The following VWA8 variants were observed in gnomAD, a reference collection of about 807,000 sequenced individuals.
VWA8 encodes the protein von Willebrand factor A domain-containing protein 8.
In VWA8, 221 loss-of-function variants were observed where a neutral mutation model predicts 241.5. The ratio of observed to expected loss-of-function variants is 0.91; its 90% CI spans 0.82 to 1.02. The LOEUF is 1.02. Among genes scored for constraint, VWA8 ranks in the 50% least tolerant of loss-of-function variants. The pLI, the probability that VWA8 is intolerant of heterozygous loss-of-function variation, is 0.00. For synonymous variants in VWA8, 852 were observed against 827.1 expected (o/e 1.03, Z -0.52); for missense variants, 2,322 against 2,328.7 (o/e 1.00, Z 0.06).
At chr13:41,960,771 C>G in intron 1 of VWA8, 82 bp downstream of exon 1, 3 of 1,433,542 alleles carry the variant, frequency 2.1e-6, no homozygotes, top group Non-Finnish European at 2.7e-6. Context: ...AGCGAAGCAA[C>G]AGAGAGGAGG....
intron 42 of VWA8, 33 bp from the exon 43 acceptor site, chr13:41,575,871 T>G (rs902316981): frequency 6.6e-7 from 1 of 1,512,790 alleles, no homozygotes; most frequent in Non-Finnish European, 9.1e-7. Flanking sequence ...GTTATAAACT[T>G]TTCTCCACAA....
intron 12 of VWA8, 69 bp downstream of exon 12, chr13:41,865,667 C>T (rs1873255830): frequency 6.5e-7 from 1 of 1,534,540 alleles, no homozygotes; most frequent in African/African-American, 1.4e-5. Context: ...AGAAGATATC[C>T]ATAAATTCTG....
chr13:41,927,411 G>A (rs1876898968), intron 2 of VWA8: 4 of 449,162 alleles, frequency 8.9e-6, no homozygotes, highest in Admixed American at 8.8e-5. Flanking sequence ...AAAGATCAAG[G>A]TCTGCAAGGG....
At chr13:41,634,893 ATTTTGAAG>A (rs1166817869) in intron 37 of VWA8, among the ~76,000 whole-genome samples, 1 of 152,184 alleles carries the variant, frequency 6.6e-6, no homozygotes, top group East Asian at 1.9e-4. Flanking sequence ...GTTCACTAAG[ATTTTGAAG>A]TTAAGAAAAT....
chr13:41,917,014 T>C (rs766372230), intron 2 of VWA8, among the ~76,000 whole-genome samples: 2 of 152,182 alleles, frequency 1.3e-5, no homozygotes, highest in Non-Finnish European at 2.9e-5. Flanking sequence ...TATGTAAAGA[T>C]AAAAACATGT....
chr13:41,674,880 A>G (rs1292980702), intron 36 of VWA8, among the ~76,000 whole-genome samples: 1 of 152,226 alleles, frequency 6.6e-6, no homozygotes, highest in African/African-American at 2.4e-5. Context: ...CAGAAAATAC[A>G]TACACAAAGT....
intron 40 of VWA8, 29 bp downstream of exon 40, chr13:41,605,139 A>G: frequency 1.9e-6 from 3 of 1,606,460 alleles, no homozygotes; most frequent in Non-Finnish European, 2.6e-6. Flanking sequence ...GGCCCAGGTT[A>G]TTTTCTTGGT....
At chr13:41,752,373 C>T (rs1371717960) in intron 21 of VWA8, among the ~76,000 whole-genome samples, 1 of 152,150 alleles carries the variant, frequency 6.6e-6, no homozygotes, top group African/African-American at 2.4e-5. Flanking sequence ...ACGACACCTG[C>T]ACATGCTCTA....
At chr13:41,621,180 A>T (rs2044654675) in intron 37 of VWA8, among the ~76,000 whole-genome samples, 1 of 152,232 alleles carries the variant, frequency 6.6e-6, no homozygotes, top group Non-Finnish European at 1.5e-5. Flanking sequence ...TTAGTATAAT[A>T]TTTAATAAGT....
intron 19 of VWA8, among the ~76,000 whole-genome samples, chr13:41,781,395 A>G (rs145573895): frequency 2.0e-4 from 31 of 152,210 alleles, no homozygotes; most frequent in African/African-American, 7.0e-4. Flanking sequence ...CTGGTTGACC[A>G]ATTTTCTATG....
intron 16 of VWA8, among the ~76,000 whole-genome samples, chr13:41,814,577 T>A (rs936815936): frequency 2.0e-5 from 3 of 152,190 alleles, no homozygotes; most frequent in African/African-American, 7.2e-5. Context: ...CAGGCATGTT[T>A]AGCAGGCTGT....
At chr13:41,688,180 A>G (rs2045149849) in intron 34 of VWA8, among the ~76,000 whole-genome samples, 1 of 152,096 alleles carries the variant, frequency 6.6e-6, no homozygotes, top group Non-Finnish European at 1.5e-5. Context: ...TTAGGAAAAC[A>G]TACATCAGAG....
chr13:41,829,571 A>ACG (rs1871338175), intron 14 of VWA8, among the ~76,000 whole-genome samples: 1 of 150,938 alleles, frequency 6.6e-6, no homozygotes, highest in African/African-American at 2.4e-5. Context: ...ACACACATGC[A>ACG]CACACACACA....
At chr13:41,817,987 G>C (rs1053246742) in intron 15 of VWA8, among the ~76,000 whole-genome samples, 1 of 151,610 alleles carries the variant, frequency 6.6e-6, no homozygotes, top group Non-Finnish European at 1.5e-5. Context: ...TTTCGAGACG[G>C]AGTCTCACTC....
At chr13:41,892,827 T>A (rs892683035) in intron 4 of VWA8, among the ~76,000 whole-genome samples, 5 of 152,164 alleles carry the variant, frequency 3.3e-5, no homozygotes, top group African/African-American at 1.2e-4. Flanking sequence ...TTTCTACCCC[T>A]TCCCTAGTTC....
intron 27 of VWA8, among the ~76,000 whole-genome samples, chr13:41,701,833 A>T (rs967259214): frequency 6.6e-6 from 1 of 152,212 alleles, no homozygotes; most frequent in Non-Finnish European, 1.5e-5. Flanking sequence ...GGCGAGAGCC[A>T]GTTTTGAACT....
intron 10 of VWA8, among the ~76,000 whole-genome samples, chr13:41,866,911 G>A (rs756455168): frequency 1.1e-4 from 17 of 151,684 alleles, no homozygotes; most frequent in Non-Finnish European, 1.8e-4. Context: ...TTTATTTTTT[G>A]TCTTCCCCTT....
chr13:41,953,842 A>G (rs1304909087), intron 1 of VWA8, among the ~76,000 whole-genome samples: 3 of 144,640 alleles, frequency 2.1e-5, no homozygotes, highest in African/African-American at 7.5e-5. Context: ...TAAAGGATGG[A>G]AGTCATAAAG....
chr13:41,933,638 A>G (rs1877223234), intron 2 of VWA8, among the ~76,000 whole-genome samples: 1 of 151,878 alleles, frequency 6.6e-6, no homozygotes. Flanking sequence ...AACAGAACAG[A>G]GTCTAAAAAC....
Sources: allele counts gnomAD v4.1 joint callset (sites outside exome capture counted in the v4.1 genomes callset), GRCh38; gene constraint gnomAD v4.1.1; transcripts MANE v1.5; gene names NCBI Gene and HGNC (gene_info 2026-07-23, HGNC 2026-07-21).